NCOA5: variants seen among roughly 807,000 people sequenced by gnomAD.
The protein encoded by NCOA5 is nuclear receptor coactivator 5.
In NCOA5, 12 loss-of-function variants were observed where a neutral mutation model predicts 59.0. The ratio of observed to expected loss-of-function variants is 0.20; its 90% CI spans 0.13 to 0.33. The LOEUF (loss-of-function observed/expected upper bound fraction) is 0.33. Among genes scored for constraint, NCOA5 ranks in the 10% least tolerant of loss-of-function variants. NCOA5 has a pLI of 1.00. For missense variants in NCOA5, 655 were observed against 766.6 expected (o/e 0.85, Z 1.72); for synonymous variants, 270 against 275.5 (o/e 0.98, Z 0.20).
chr20:46,071,348 TTTCC>T (rs1291006327), intron 2 of NCOA5, among the ~76,000 whole-genome samples: 3 of 152,206 alleles, frequency 2.0e-5, no homozygotes, highest in Non-Finnish European at 2.9e-5. Flanking sequence ...CAAAATCATC[TTTCC>T]ACTTATCAAG....
chr20:46,063,179 C>A (rs544840129), intron 7 of NCOA5, among the ~76,000 whole-genome samples, 181 bp downstream of exon 7: 2 of 152,218 alleles, frequency 1.3e-5, no homozygotes, highest in South Asian at 2.1e-4. Flanking sequence ...CATTCAGTAC[C>A]CAAATATAAA....
intron 1 of NCOA5, among the ~76,000 whole-genome samples, chr20:46,081,795 T>C (rs1189069124): frequency 6.6e-6 from 1 of 151,658 alleles, no homozygotes; most frequent in Non-Finnish European, 1.5e-5. Context: ...TCCTATCTAA[T>C]AGAATTGCTC....
Position 46,062,335 on chromosome 20 carries a change from G to C in NCOA5, c.1705C>G (p.Gln569Glu). The C allele has an allele frequency of 1.2e-6, 2 of 1,613,982 alleles. No homozygotes were observed. The highest frequency in any genetic ancestry group is 1.7e-6 in the Non-Finnish European group (2 of 1,179,964). The change falls in exon 8 of 8, where the codon CAG (glutamine) becomes GAG (glutamate). Residue 569 changes from glutamine (Q) to glutamate (E), a missense_variant. Gln to Glu is a conservative substitution (Grantham distance 29). Transcript: ENST00000290231. ...CTCTGGTAAGATCCCATGGGGGCCT[G>C]TGGCTGCCCCATCTGTGCTGTGGTC... Reference protein sequence around the residue: ...SQTTAQMGQPQAPMGSYQRHY With the variant: ...SQTTAQMGQPEAPMGSYQRHY
At chr20:46,063,703 T>C (rs905874889) in intron 6 of NCOA5, 23 bp from the exon 7 acceptor site, 1 of 1,602,650 alleles carries the variant, frequency 6.2e-7, no homozygotes, top group Non-Finnish European at 8.5e-7. Flanking sequence ...ATGACATGAG[T>C]TATTTTCTTC....
At chr20:46,063,055 G>T (rs1365037372) in intron 7 of NCOA5, among the ~76,000 whole-genome samples, 166 bp from the exon 8 acceptor site, 1 of 152,174 alleles carries the variant, frequency 6.6e-6, no homozygotes, top group Non-Finnish European at 1.5e-5. Flanking sequence ...GCTGTTTACA[G>T]AAAACAATAG....
intron 1 of NCOA5, among the ~76,000 whole-genome samples, chr20:46,085,174 G>A (rs1202713186): frequency 1.3e-5 from 2 of 151,770 alleles, no homozygotes; most frequent in Admixed American, 6.6e-5. Context: ...GGGACAAGAC[G>A]CATGCACCAC....
chr20:46,062,433 T>C lies in NCOA5; in HGVS notation c.1607A>G (p.Asp536Gly). The C allele has an allele frequency of 6.2e-7, 1 of 1,614,098 alleles. No individual in the cohort carries two copies. The highest frequency in any genetic ancestry group is 8.5e-7 in the Non-Finnish European group (1 of 1,180,012). Residue 536 changes from aspartate (D) to glycine (G), a missense_variant, in exon 8 of 8, where the codon GAC (aspartate) becomes GGC (glycine). By Grantham distance (94) the Asp-to-Gly change is moderately conservative. This residue lies in a region of NCOA5 where 325 missense variants were observed against 353.2 expected (regional missense o/e 0.92). Transcript: ENST00000290231. Reference protein sequence around the residue: ...RPVSSTGINFDNPSVQKALDT... With the variant: ...RPVSSTGINFGNPSVQKALDT... The stretch of plus-strand genomic sequence containing the variant: ...CAGAGCCTTCTGTACACTTGGATTG[T>C]CAAAGTTGATACCTGTGGAAGACAC...
chr20:46,072,614 T>C (rs1470332539), intron 2 of NCOA5, among the ~76,000 whole-genome samples: 2 of 152,202 alleles, frequency 1.3e-5, no homozygotes, highest in African/African-American at 2.4e-5. Context: ...TCACCACTCT[T>C]TGCCACACCG....
chr20:46,065,402 G>A (rs531842234), intron 5 of NCOA5, among the ~76,000 whole-genome samples, 174 bp from the exon 6 acceptor site: 5 of 152,306 alleles, frequency 3.3e-5, no homozygotes, highest in African/African-American at 1.2e-4. Flanking sequence ...CAGAACGGTT[G>A]TGACTTGCTT....
rs1333463115 is a variant in NCOA5 at position 46,084,719 on chromosome 20, C to T, written c.-30+5098G>A. 2.0e-5 allele frequency among the ~76,000 whole-genome samples: 3 copies of T among 152,060 alleles called. No individual in the cohort carries two copies. In the East Asian group the frequency reaches 5.8e-4, roughly 29 times the overall value. On this transcript the variant is annotated intron_variant, in intron 1 of 7. Transcript: ENST00000290231. ...CTTTCTGACAAAATGGATATTCTGC[C>T]TGTGTTAGCTATGTTGACTCAAGGA...
At chr20:46,086,857 A>G (rs1190121422) in intron 1 of NCOA5, among the ~76,000 whole-genome samples, 1 of 151,182 alleles carries the variant, frequency 6.6e-6, no homozygotes, top group Non-Finnish European at 1.5e-5. Context: ...AGGCATCATG[A>G]TAACTTCCTC....
At position 46,062,784 on chromosome 20, in the gene NCOA5, G is replaced by A. The variant is rs2084781005; in HGVS notation, c.1256C>T (p.Pro419Leu). 1 of 1,592,366 alleles carries A rather than the reference G, an allele frequency of 6.3e-7. No individual in the cohort carries two copies. Among genetic ancestry groups the A allele is most frequent in the Admixed American group, 1.7e-5 (1 of 58,742 alleles). Residue 419 changes from proline (P) to leucine (L), a missense_variant, in exon 8 of 8, where the codon CCC (proline) becomes CTC (leucine). Pro to Leu is a moderately conservative substitution (Grantham distance 98, BLOSUM62 -3). Transcript: ENST00000290231. ...GGAGGTGGGGGGTGCAGATGGAGTG[G>A]GTGTAGCAGAGGGGAGCACTTGGCC... is the stretch of plus-strand genomic sequence containing the variant. ...QSGQVLPSAT[P>L]TPSAPPTSQQ...
At chr20:46,077,378 T>C (rs748340977) in intron 2 of NCOA5, among the ~76,000 whole-genome samples, 1 of 152,232 alleles carries the variant, frequency 6.6e-6, no homozygotes, top group Non-Finnish European at 1.5e-5. Context: ...AAGTTGGTCA[T>C]TCCCCAACAC....
Position 46,070,493 on chromosome 20 carries a change from G to T in NCOA5, c.82C>A (p.Arg28=). ...CTTGGACTTCCTCGAATTGGGGATC[G>T]ATCACGCCTTGAATCTCGACTGTCT... ...FGDSRDSRRD[R]SPIRGSPRRE... Residue 28 remains arginine, a synonymous_variant, in exon 3 of 8, where the codon CGA becomes AGA. Transcript: ENST00000290231. 1.2e-6 allele frequency: 2 copies of T among 1,613,984 alleles called. No homozygotes were observed. Among genetic ancestry groups the T allele is most frequent in the Non-Finnish European group, 1.7e-6 (2 of 1,179,978 alleles).
chr20:46,089,403 C>A lies in NCOA5; in HGVS notation c.-30+414G>T, dbSNP rs1437544303. Among the ~76,000 whole-genome samples the A allele has an allele frequency of 3.3e-5, 5 of 152,344 alleles. No individual in the cohort carries two copies. The East Asian group carries it at 9.6e-4, about 29-fold the overall frequency. On this transcript the variant is annotated intron_variant, in intron 1 of 7. Transcript: ENST00000290231. ...CCGGTGCCACGGGACGCCTTGGGCC[C>A]GGTTCGAATCCCGACTGCGCCACTG... is the stretch of plus-strand genomic sequence containing the variant.
rs141716773 is a variant in NCOA5, at chr20:46,064,508, C to T, written c.829+521G>A. On this transcript the variant is annotated intron_variant, in intron 6 of 7. Transcript: ENST00000290231. ...CTCTTAGCCCCTCTGGTTACTTCTC[C>T]AGCACACTTACAAAAAGGACCCTAA... is the stretch of plus-strand genomic sequence containing the variant. Among the ~76,000 whole-genome samples, 24 of 152,342 alleles carry T rather than the reference C, an allele frequency of 1.6e-4. No individual in the cohort carries two copies. In the East Asian group the frequency reaches 4.4e-3, roughly 28 times the overall value.
At chr20:46,083,872 T>C (rs373862932) in intron 1 of NCOA5, among the ~76,000 whole-genome samples, 3 of 152,336 alleles carry the variant, frequency 2.0e-5, no homozygotes, top group East Asian at 3.9e-4. Context: ...ATCAGGGATA[T>C]TGTAATGAGT....
rs142941952 is a variant in NCOA5 at position 46,066,289 on chromosome 20, T to C, written c.629+766A>G. 2.6e-3 allele frequency among the ~76,000 whole-genome samples: 390 copies of C among 152,288 alleles called. 2 individuals are homozygous for C. The highest frequency in any genetic ancestry group is 2.4e-3 in the Non-Finnish European group (166 of 68,018). ...GTAAAACAGGGATGCAGTGAAACAA[T>C]GCTATAAGCCCTAGCTTGGTAACAT... is the stretch of plus-strand genomic sequence containing the variant. On this transcript the variant is annotated intron_variant, in intron 5 of 7. Transcript: ENST00000290231.
chr20:46,087,239 A>G (rs2085054651), intron 1 of NCOA5, among the ~76,000 whole-genome samples: 1 of 152,206 alleles, frequency 6.6e-6, no homozygotes, highest in Admixed American at 6.5e-5. Context: ...CAAAAACAAG[A>G]GAACAACCTA....
Sources: gnomAD v4.1 joint callset for allele counts (sites outside exome capture counted in the v4.1 genomes callset) on GRCh38, gnomAD v4.1.1 for gene constraint, gnomAD v4.1.1 regional missense constraint, MANE v1.5 for transcripts, NCBI Gene and HGNC (gene_info 2026-07-23, HGNC 2026-07-21) for gene names.